SHB: variants seen among roughly 807,000 people sequenced by gnomAD.
SHB encodes the protein SH2 domain containing adaptor protein B.
Under a neutral mutation model 52.3 loss-of-function variants are expected in SHB, and 20 were observed. The observed-to-expected ratio is 0.38, with a 90% CI of 0.27 to 0.56. SHB has a LOEUF of 0.56. SHB is among the 20% of genes least tolerant of loss of function. The pLI is 0.71. For synonymous variants in SHB, 397 were observed against 316.5 expected (o/e 1.25, Z -2.70); for missense variants, 825 against 723.3 (o/e 1.14, Z -1.61).
At chr9:38,036,938 G>A (rs1268178931) in intron 1 of SHB, among the ~76,000 whole-genome samples, 1 of 152,140 alleles carries the variant, frequency 6.6e-6, no homozygotes, top group African/African-American at 2.4e-5. Flanking sequence ...TCAAACTCGG[G>A]TGCTGTCTCT....
intron 5 of SHB, among the ~76,000 whole-genome samples, chr9:37,942,786 G>A (rs1322019523): frequency 2.0e-5 from 3 of 152,086 alleles, no homozygotes; most frequent in South Asian, 2.1e-4. Context: ...GGGCTGCCTC[G>A]GTCTCCTGGG....
At chr9:38,038,845 G>A (rs553284059) in intron 1 of SHB, among the ~76,000 whole-genome samples, 1 of 152,320 alleles carries the variant, frequency 6.6e-6, no homozygotes, top group South Asian at 2.1e-4. Context: ...CACCCCCCAG[G>A]GAGGTATCAA....
intron 2 of SHB, among the ~76,000 whole-genome samples, chr9:38,001,764 T>C (rs184171027): frequency 6.6e-6 from 1 of 152,238 alleles, no homozygotes; most frequent in East Asian, 1.9e-4. Context: ...GGCAGAAAGG[T>C]TCTCTCCCAG....
Position 37,992,607 on chromosome 9 carries a change from T to A in SHB, c.839-17770A>T, listed in dbSNP as rs111688159. Reference sequence around the variant, plus strand: ...ACTCGGGGTGAGCAGGGGCCTGGGGTCTGCCCCGTACTTTATCCCATGCAG... The same window carrying A: ...ACTCGGGGTGAGCAGGGGCCTGGGGACTGCCCCGTACTTTATCCCATGCAG... On this transcript the variant is annotated intron_variant, in intron 2 of 5. Coordinates refer to ENST00000377707, the MANE Select transcript of SHB (RefSeq NM_003028.3). Among the ~76,000 whole-genome samples, 26 of 152,194 alleles carry A rather than the reference T, an allele frequency of 1.7e-4. 2 individuals carry two copies. Among genetic ancestry groups the A allele is most frequent in the African/African-American group, 6.3e-4 (26 of 41,508 alleles).
intron 3 of SHB, among the ~76,000 whole-genome samples, chr9:37,968,340 C>T (rs1007139051): frequency 6.6e-6 from 1 of 152,138 alleles, no homozygotes; most frequent in South Asian, 2.1e-4. Flanking sequence ...TCTCAGGTCC[C>T]GAAGTGGTGA....
At chr9:37,921,356 CAT>C (rs1241028355) in intron 5 of SHB, among the ~76,000 whole-genome samples, 3 of 152,240 alleles carry the variant, frequency 2.0e-5, no homozygotes, top group African/African-American at 7.2e-5. Flanking sequence ...GGCTTGAACA[CAT>C]CTCTTCCAGT....
intron 2 of SHB, among the ~76,000 whole-genome samples, chr9:37,984,340 A>G (rs1297939874): frequency 2.0e-5 from 3 of 151,824 alleles, no homozygotes; most frequent in Admixed American, 6.6e-5. Context: ...TGGGTCCACA[A>G]CTCCCGAGGC....
Position 38,068,001 on chromosome 9 carries a change from G to T in SHB, c.645C>A (p.Cys215Ter). The change falls in exon 1 of 6, where the codon TGC (cysteine) becomes TGA (stop). Residue 215 changes from cysteine (C) to a stop codon, truncating the protein, a stop_gained. Transcript: ENST00000377707. LOFTEE classifies it high-confidence loss of function. ...ACTTGTTGAGCAGTTTCTTGCCTCC[G>T]CAGGCCGTCGGGCTCCAGGTGCGGC... ...AGGRTWSPTA[C>*]GGKKLLNKCA... The T allele has an allele frequency of 6.5e-7, 1 of 1,530,094 alleles. No individual in the cohort carries two copies. Among genetic ancestry groups the T allele is most frequent in the Non-Finnish European group, 8.7e-7 (1 of 1,147,596 alleles). 94.8% of individuals were successfully genotyped at this position (1,530,094 alleles called of 1,614,324 possible).
At position 37,916,411 on chromosome 9, in the gene SHB, T is replaced by C. The variant is rs3747547; in HGVS notation, c.*3410A>G. 0.15 allele frequency among the ~76,000 whole-genome samples: 22,087 copies of C among 152,248 alleles called. 2,036 individuals are homozygous for C. Among genetic ancestry groups the C allele is most frequent in the African/African-American group, 0.26 (10,766 of 41,536 alleles). On this transcript the variant is annotated 3_prime_UTR_variant, in exon 6 of 6. Coordinates refer to ENST00000377707, the MANE Select transcript of SHB (RefSeq NM_003028.3). Reference sequence around the variant, plus strand: ...TCCTTGCCAGGCCCTTGGTCAATGATATCACCACTTCTGAGACAGCGTCTG... The same window carrying C: ...TCCTTGCCAGGCCCTTGGTCAATGACATCACCACTTCTGAGACAGCGTCTG...
intron 2 of SHB, among the ~76,000 whole-genome samples, chr9:38,001,390 C>T (rs1008787193): frequency 1.3e-5 from 2 of 152,232 alleles, no homozygotes; most frequent in Non-Finnish European, 2.9e-5. Flanking sequence ...TAATTAAGGA[C>T]GATAATTACA....
chr9:37,995,738 C>A (rs551431682), intron 2 of SHB, among the ~76,000 whole-genome samples: 1 of 152,280 alleles, frequency 6.6e-6, no homozygotes, highest in Admixed American at 6.5e-5. Context: ...ATCCAGAAAG[C>A]CCCCAACACC....
chr9:37,968,023 G>A (rs890886580), intron 3 of SHB, among the ~76,000 whole-genome samples: 3 of 152,210 alleles, frequency 2.0e-5, no homozygotes, highest in Non-Finnish European at 4.4e-5. Flanking sequence ...CACACCATCC[G>A]TGCTTCCCAT....
intron 2 of SHB, among the ~76,000 whole-genome samples, chr9:37,985,060 T>C (rs1820787791): frequency 6.6e-6 from 1 of 152,202 alleles, no homozygotes; most frequent in Non-Finnish European, 1.5e-5. Flanking sequence ...ATTGGAGTTC[T>C]TCTGTCATCT....
At chr9:37,979,880 T>C (rs915432467) in intron 2 of SHB, among the ~76,000 whole-genome samples, 9 of 152,236 alleles carry the variant, frequency 5.9e-5, no homozygotes, top group African/African-American at 2.2e-4. Flanking sequence ...ATATTTATAT[T>C]ATACTGTAGT....
rs773823016 is a variant in SHB at position 37,919,821 on chromosome 9, T to C, written c.1530A>G (p.Ter510TrpextTer9). 2 of 1,612,890 alleles carry C rather than the reference T, an allele frequency of 1.2e-6. No homozygotes were observed. ...LLYPVAVRTL[*>W] ...ACAGAGCAGGGCAGGTCTGGTCCGC[T>C]CACAGGGTCCTCACAGCCACGGGAT... The change falls in exon 6 of 6, where the codon TGA (stop) becomes TGG (tryptophan). Residue 510 changes from the stop codon to tryptophan (W), a stop_lost. Transcript: ENST00000377707.
intron 2 of SHB, among the ~76,000 whole-genome samples, chr9:38,009,292 G>A (rs1183194522): frequency 6.6e-6 from 1 of 152,240 alleles, no homozygotes; most frequent in African/African-American, 2.4e-5. Context: ...GATGCCACAT[G>A]GAGGTGGCTG....
At chr9:37,956,888 C>T (rs1199442369) in intron 3 of SHB, among the ~76,000 whole-genome samples, 3 of 152,216 alleles carry the variant, frequency 2.0e-5, no homozygotes, top group African/African-American at 7.2e-5. Context: ...ACCTAGAAAT[C>T]TTAGCACTGT....
At chr9:38,015,527 A>G (rs1564102279) in intron 2 of SHB, 1 of 697,902 alleles carries the variant, frequency 1.4e-6, no homozygotes, top group Non-Finnish European at 2.6e-6. Flanking sequence ...GCTCCAAAAC[A>G]AAGATTTCTC....
chr9:37,950,417 G>A (rs887995079), intron 4 of SHB, among the ~76,000 whole-genome samples: 2 of 152,158 alleles, frequency 1.3e-5, no homozygotes, highest in African/African-American at 2.4e-5. Context: ...GGCACGCACC[G>A]CCATGTCTGG....
Sources: gnomAD v4.1 joint callset for allele counts (sites outside exome capture counted in the v4.1 genomes callset) on GRCh38, gnomAD v4.1.1 for gene constraint, MANE v1.5 for transcripts, NCBI Gene and HGNC (gene_info 2026-07-23, HGNC 2026-07-21) for gene names.